Variants in CAPZA2 observed in about 807,000 individuals in gnomAD.
The protein encoded by CAPZA2 is capping actin protein of muscle Z-line subunit alpha 2, also known as F-actin-capping protein subunit alpha-2.
In CAPZA2, 13 loss-of-function variants were observed where a neutral mutation model predicts 44.0. The observed-to-expected ratio is 0.30, with a 90% CI of 0.19 to 0.47. The LOEUF (loss-of-function observed/expected upper bound fraction) is 0.47, where lower values mean the gene tolerates loss of function less well. Ranked by LOEUF, CAPZA2 falls within the 20% of genes least tolerant of loss-of-function variation. The pLI is 1.00. For missense variants in CAPZA2, 244 were observed against 338.6 expected, an observed-to-expected ratio of 0.72 and a Z score of 2.19; for synonymous variants, 94 against 108.2, an observed-to-expected ratio of 0.87 and a Z score of 0.81.
At chr7:116,907,934 T>A (rs1034966097) in intron 6 of CAPZA2, among the ~76,000 whole-genome samples, 1 of 152,144 alleles carries the variant, frequency 6.6e-6, no homozygotes, top group African/African-American at 2.4e-5. Flanking sequence ...AGTGATAATA[T>A]CATGGCACAA....
chr7:116,883,637 T>C (rs1355578867), intron 1 of CAPZA2, among the ~76,000 whole-genome samples: 2 of 152,188 alleles, frequency 1.3e-5, no homozygotes, highest in East Asian at 3.8e-4. Context: ...TTGGATGTTG[T>C]GGAAGTCCAG....
intron 2 of CAPZA2, among the ~76,000 whole-genome samples, chr7:116,892,346 A>AATT (rs1214641848): frequency 6.6e-6 from 1 of 152,224 alleles, no homozygotes; most frequent in Non-Finnish European, 1.5e-5. Flanking sequence ...GTAAGACTAG[A>AATT]AAAGAATTTG....
In CAPZA2 at chr7:116,912,092, T is replaced by C; in HGVS notation, c.609T>C (p.Asn203=). ...AGGTTCATTATTATGAAGATGGTAA[T>C]GTTCAGCTAGTGAGTCATAAAGATA... The part of the protein sequence containing the change: ...KIQVHYYEDG[N]VQLVSHKDIQ... Residue 203 remains asparagine, a synonymous_variant, in exon 8 of 10, where the codon AAT becomes AAC. Transcript: ENST00000361183. 1 of 1,613,086 alleles carries C rather than the reference T, an allele frequency of 6.2e-7. No individual in the cohort carries two copies.
intron 1 of CAPZA2, chr7:116,873,972 T>G (rs1458484313): frequency 2.6e-5 from 4 of 152,928 alleles, no homozygotes; most frequent in African/African-American, 7.2e-5. Flanking sequence ...CTTTCCCTGA[T>G]AAGTTTTTCA....
At chr7:116,865,174 C>CTTTTTTTTTTTTTTTT (rs201926723) in intron 1 of CAPZA2, among the ~76,000 whole-genome samples, 1 of 122,086 alleles carries the variant, frequency 8.2e-6, no homozygotes, top group African/African-American at 3.3e-5. Flanking sequence ...TATGCGCTCT[C>CTTTTTTTTTTTTTTTT]TTCTTTTTTT....
intron 5 of CAPZA2, among the ~76,000 whole-genome samples, chr7:116,904,984 A>C (rs1364617014): frequency 6.7e-6 from 1 of 149,902 alleles, no homozygotes; most frequent in African/African-American, 2.5e-5. Flanking sequence ...AAAAAAAAAA[A>C]AAAAACAATT....
chr7:116,863,573 T>G (rs929854378), intron 1 of CAPZA2, among the ~76,000 whole-genome samples: 5 of 152,194 alleles, frequency 3.3e-5, no homozygotes, highest in African/African-American at 4.8e-5. Context: ...ATTCGCCCCT[T>G]TCGTTTGGCT....
chr7:116,870,777 A>G (rs893737111), intron 1 of CAPZA2, among the ~76,000 whole-genome samples: 1 of 152,210 alleles, frequency 6.6e-6, no homozygotes, highest in African/African-American at 2.4e-5. Context: ...GATCGCCAAT[A>G]GATTTTAGAG....
intron 2 of CAPZA2, 119 bp downstream of exon 2, chr7:116,888,309 C>G: frequency 1.6e-6 from 1 of 619,600 alleles, no homozygotes; most frequent in East Asian, 2.8e-5. Flanking sequence ...TTCTGAATTA[C>G]AATGACAATA....
At chr7:116,907,841 T>G (rs1284609830) in intron 6 of CAPZA2, among the ~76,000 whole-genome samples, 1 of 152,230 alleles carries the variant, frequency 6.6e-6, no homozygotes, top group African/African-American at 2.4e-5. Flanking sequence ...AAGCCATCAC[T>G]ATGAGCATTG....
chr7:116,890,837 A>G (rs1441409416), intron 2 of CAPZA2, among the ~76,000 whole-genome samples: 2 of 149,038 alleles, frequency 1.3e-5, no homozygotes, highest in African/African-American at 4.9e-5. Context: ...GGTAAATATG[A>G]TATGAATGTG....
intron 1 of CAPZA2, among the ~76,000 whole-genome samples, chr7:116,864,938 T>A (rs1796463681): frequency 6.6e-6 from 1 of 152,132 alleles, no homozygotes; most frequent in Non-Finnish European, 1.5e-5. Context: ...ATTGCAAATT[T>A]AAGGAAGAGA....
chr7:116,913,027 G>A (rs1336912461), intron 8 of CAPZA2, among the ~76,000 whole-genome samples: 1 of 152,114 alleles, frequency 6.6e-6, no homozygotes, highest in Non-Finnish European at 1.5e-5. Flanking sequence ...TTTTCTTGAT[G>A]CTAATGATTT....
At chr7:116,907,509 A>G (rs1477286770) in intron 6 of CAPZA2, among the ~76,000 whole-genome samples, 1 of 152,210 alleles carries the variant, frequency 6.6e-6, no homozygotes, top group Non-Finnish European at 1.5e-5. Context: ...TGGAGCTACT[A>G]TTAGAAGAAA....
chr7:116,867,160 A>C (rs907794907), intron 1 of CAPZA2, among the ~76,000 whole-genome samples: 6 of 152,208 alleles, frequency 3.9e-5, no homozygotes, highest in African/African-American at 1.4e-4. Flanking sequence ...TTATCTCTGC[A>C]TTGACCTGAT....
chr7:116,890,528 ATATATATATATAT>A (rs1562959903), intron 2 of CAPZA2, among the ~76,000 whole-genome samples: 276 of 6,666 alleles, frequency 0.041, 31 homozygotes, highest in African/African-American at 0.16. Flanking sequence ...AAAAAAAAAT[ATATATATATATAT>A]ATATATATAT....
rs1796802512 is a variant in CAPZA2, at chr7:116,889,401, A to C, written c.103+1211A>C. 3.3e-5 allele frequency among the ~76,000 whole-genome samples: 5 copies of C among 152,146 alleles called. No homozygotes were observed. The South Asian group carries it at 1.0e-3, about 32-fold the overall frequency. ...TAGTAAACTAGTTAAATGTTTTTTA[A>C]GAAGTTTAATCATTTTTTTTTCTTA... is the stretch of plus-strand genomic sequence containing the variant. On this transcript the variant is annotated intron_variant, in intron 2 of 9. Coordinates refer to ENST00000361183, the MANE Select transcript of CAPZA2 (RefSeq NM_006136.3).
At chr7:116,891,592 A>G (rs1283347831) in intron 2 of CAPZA2, among the ~76,000 whole-genome samples, 1 of 152,106 alleles carries the variant, frequency 6.6e-6, no homozygotes. Flanking sequence ...GCTCACTGCA[A>G]GCTCCGCCTC....
At chr7:116,911,647 T>A in intron 7 of CAPZA2, among the ~76,000 whole-genome samples, 1 of 152,212 alleles carries the variant, frequency 6.6e-6, no homozygotes, top group Non-Finnish European at 1.5e-5. Flanking sequence ...GTACCTTATG[T>A]AGCAGCAGTG....
Sources: allele counts gnomAD v4.1 joint callset (sites outside exome capture counted in the v4.1 genomes callset), GRCh38; gene constraint gnomAD v4.1.1; transcripts MANE v1.5; gene names NCBI Gene and HGNC (gene_info 2026-07-23, HGNC 2026-07-21).